Variants in MAML3 observed in about 807,000 individuals in gnomAD.
MAML3 encodes the protein mastermind like transcriptional coactivator 3.
A neutral mutation model predicts 101.9 loss-of-function variants in MAML3; 27 were observed. That is an observed-to-expected ratio of 0.27 (90% CI 0.20 to 0.37). The LOEUF is 0.37. MAML3 is among the 10% of genes least tolerant of loss of function. The pLI is 1.00. For synonymous variants in MAML3, 501 were observed against 555.9 expected (o/e 0.90, Z 1.39); for missense variants, 1,316 against 1,444.9 (o/e 0.91, Z 1.45).
At chr4:139,965,883 A>G (rs1251748306) in intron 1 of MAML3, among the ~76,000 whole-genome samples, 2 of 152,206 alleles carry the variant, frequency 1.3e-5, no homozygotes, top group Non-Finnish European at 2.9e-5. Flanking sequence ...TGCCAGCTCC[A>G]GTGAGGTTCT....
intron 2 of MAML3, among the ~76,000 whole-genome samples, chr4:139,867,264 A>G (rs1731914457): frequency 6.6e-6 from 1 of 152,188 alleles, no homozygotes; most frequent in Admixed American, 6.5e-5. Context: ...AAATGTGTCC[A>G]TGTTTGCTTT....
chr4:139,963,510 C>T (rs147698375), intron 1 of MAML3, among the ~76,000 whole-genome samples: 13 of 152,124 alleles, frequency 8.5e-5, no homozygotes, highest in Admixed American at 3.9e-4. Context: ...AATGAAACAT[C>T]GGTATGAAGC....
rs1454165169 is a variant in MAML3, at chr4:139,719,575, G to A, written c.3165C>T (p.Val1055=). ...GCTGGCTGAACGCTGGCATGCCTGG[G>A]ACTCCCTGGCTCAGGCCAGACATGA... The part of the protein sequence containing the change: ...PMVMSGLSQG[V]PGMPAFSQPP... Residue 1055 remains valine (V), a synonymous_variant, in exon 5 of 5, where the codon GTC becomes GTT. Coordinates refer to ENST00000509479, the MANE Select transcript of MAML3 (RefSeq NM_018717.5). 6.2e-7 allele frequency: 1 copy of A among 1,613,558 alleles called. No homozygotes were observed. The highest frequency in any genetic ancestry group is 1.1e-5 in the South Asian group (1 of 91,010).
At chr4:139,942,724 T>C (rs537555028) in intron 1 of MAML3, among the ~76,000 whole-genome samples, 2 of 152,254 alleles carry the variant, frequency 1.3e-5, no homozygotes, top group South Asian at 4.1e-4. Flanking sequence ...TATGATTAGG[T>C]ATATTTCTTA....
intron 1 of MAML3, among the ~76,000 whole-genome samples, chr4:139,904,829 A>G (rs988671192): frequency 2.6e-5 from 4 of 152,250 alleles, no homozygotes; most frequent in Admixed American, 2.6e-4. Flanking sequence ...AAACCTGTAC[A>G]GCATGTTACT....
At chr4:139,979,743 TC>T (rs1208017223) in intron 1 of MAML3, among the ~76,000 whole-genome samples, 1 of 152,136 alleles carries the variant, frequency 6.6e-6, no homozygotes, top group Non-Finnish European at 1.5e-5. Flanking sequence ...CAAGGTACCA[TC>T]TTGGAGACAG....
intron 1 of MAML3, among the ~76,000 whole-genome samples, chr4:140,149,504 CAA>C (rs1296859020): frequency 6.6e-6 from 1 of 152,126 alleles, no homozygotes; most frequent in Non-Finnish European, 1.5e-5. Flanking sequence ...GAAAACAAAT[CAA>C]AAGAGGCAAA....
intron 2 of MAML3, among the ~76,000 whole-genome samples, chr4:139,810,254 C>T (rs1485205768): frequency 6.7e-6 from 1 of 149,302 alleles, no homozygotes; most frequent in African/African-American, 2.5e-5. Context: ...GTGCAGTGGC[C>T]CCATCATAGC....
At chr4:139,985,553 T>C (rs1734521282) in intron 1 of MAML3, among the ~76,000 whole-genome samples, 1 of 152,272 alleles carries the variant, frequency 6.6e-6, no homozygotes, top group African/African-American at 2.4e-5. Context: ...ACAGTGAAAC[T>C]TGCCCAACTA....
chr4:139,903,594 A>C (rs1038561114), intron 1 of MAML3, among the ~76,000 whole-genome samples: 1 of 152,212 alleles, frequency 6.6e-6, no homozygotes. Context: ...CCAGTATCTC[A>C]GAATGTGACT....
At chr4:139,788,197 A>T (rs2111087565) in intron 2 of MAML3, among the ~76,000 whole-genome samples, 1 of 152,300 alleles carries the variant, frequency 6.6e-6, no homozygotes, top group South Asian at 2.1e-4. Context: ...CTCAGTGAGA[A>T]ATCCTAGCAG....
intron 2 of MAML3, among the ~76,000 whole-genome samples, chr4:139,871,921 T>C (rs1052370882): frequency 6.6e-6 from 1 of 152,244 alleles, no homozygotes; most frequent in Non-Finnish European, 1.5e-5. Context: ...GTATCTTTGT[T>C]ACAGAGGATT....
intron 2 of MAML3, among the ~76,000 whole-genome samples, chr4:139,814,808 T>C (rs1459089405): frequency 6.6e-6 from 1 of 152,178 alleles, no homozygotes; most frequent in Non-Finnish European, 1.5e-5. Context: ...CTTGCCAAAA[T>C]AGTCCAGCAA....
chr4:139,918,125 G>A (rs1179353457), intron 1 of MAML3, among the ~76,000 whole-genome samples: 10 of 152,016 alleles, frequency 6.6e-5, no homozygotes, highest in Non-Finnish European at 1.3e-4. Flanking sequence ...GGACTCTTGC[G>A]CTATTGTTCC....
At chr4:140,054,949 T>C (rs528845758) in intron 1 of MAML3, among the ~76,000 whole-genome samples, 4 of 152,266 alleles carry the variant, frequency 2.6e-5, no homozygotes, top group Non-Finnish European at 4.4e-5. Flanking sequence ...TTTTTAAACA[T>C]ATTTCTTAAC....
chr4:139,905,950 C>G (rs149426603), intron 1 of MAML3, among the ~76,000 whole-genome samples: 1 of 152,122 alleles, frequency 6.6e-6, no homozygotes, highest in African/African-American at 2.4e-5. Flanking sequence ...CAACTCAGCC[C>G]ATTACATGAT....
chr4:140,136,955 T>C lies in MAML3; in HGVS notation c.468+15905A>G, dbSNP rs1011770332. On this transcript the variant is annotated intron_variant, in intron 1 of 4. Transcript: ENST00000509479. ...TTATTCAGTATTTTGAATTTCTCCA[T>C]TTAAAAATTCTATTTTGAAAATTTT... Among the ~76,000 whole-genome samples the C allele has an allele frequency of 4.6e-5, 7 of 152,394 alleles. No homozygotes were observed. The East Asian group carries it at 1.3e-3, about 29-fold the overall frequency.
At chr4:140,114,912 T>C (rs1728492381) in intron 1 of MAML3, among the ~76,000 whole-genome samples, 3 of 152,192 alleles carry the variant, frequency 2.0e-5, no homozygotes, top group South Asian at 4.1e-4. Flanking sequence ...ATTGAATGAG[T>C]GTTAAAATTT....
intron 1 of MAML3, among the ~76,000 whole-genome samples, chr4:140,107,399 A>C (rs185823023): frequency 1.3e-5 from 2 of 152,244 alleles, no homozygotes; most frequent in Admixed American, 1.3e-4. Flanking sequence ...TCCTCATTTT[A>C]ATGATTTAGA....
Sources: allele counts gnomAD v4.1 joint callset (sites outside exome capture counted in the v4.1 genomes callset), GRCh38; gene constraint gnomAD v4.1.1; transcripts MANE v1.5; gene names NCBI Gene and HGNC (gene_info 2026-07-23, HGNC 2026-07-21).